Variants in CSMD1 observed in about 807,000 individuals in gnomAD.
CSMD1 encodes the protein CUB and Sushi multiple domains 1.
Under a neutral mutation model 417.5 loss-of-function variants are expected in CSMD1, and 213 were observed. The ratio of observed to expected loss-of-function variants is 0.51; its 90% CI spans 0.46 to 0.57. CSMD1 has a LOEUF of 0.57. CSMD1 is among the 20% of genes least tolerant of loss of function. The pLI is 0.00. For missense variants in CSMD1, 6,923 were observed against 4,529.7 expected, an observed-to-expected ratio of 1.53 and a Z score of -15.17; for synonymous variants, 2,862 against 1,736.8, an observed-to-expected ratio of 1.65 and a Z score of -16.11.
At chr8:4,384,356 T>G (rs75436187) in intron 3 of CSMD1, among the ~76,000 whole-genome samples, 22,491 of 152,134 alleles carry the variant, frequency 0.15, 1,830 homozygotes, top group Admixed American at 0.24. Flanking sequence ...ATGCAACGCA[T>G]CTGAGGCCCA....
At chr8:4,719,947 C>T (rs115781478) in intron 1 of CSMD1, among the ~76,000 whole-genome samples, 1 of 152,004 alleles carries the variant, frequency 6.6e-6, no homozygotes, top group South Asian at 2.1e-4. Context: ...CTAATGTCAC[C>T]TCACTTTAAA....
Position 3,260,286 on chromosome 8 carries a change from A to C in CSMD1, c.4153+23858T>G, listed in dbSNP as rs139126583. On this transcript the variant is annotated intron_variant, in intron 26 of 69. Transcript: ENST00000635120. ...AGGGTGAGATCCTCGCCCAGAATAGAAACGCCACCTCTGTGAGGCTCCCTG... is the reference window on the plus strand; with the variant it reads ...AGGGTGAGATCCTCGCCCAGAATAGCAACGCCACCTCTGTGAGGCTCCCTG... Among the ~76,000 whole-genome samples, 188 of 152,236 alleles carry C rather than the reference A, an allele frequency of 1.2e-3. 1 individual carries two copies. Among genetic ancestry groups the C allele is most frequent in the African/African-American group, 4.4e-3 (181 of 41,542 alleles).
chr8:4,577,918 C>G (rs951774538), intron 2 of CSMD1, among the ~76,000 whole-genome samples: 1 of 152,010 alleles, frequency 6.6e-6, no homozygotes, highest in South Asian at 2.1e-4. Context: ...GGAAACAAGC[C>G]TTAGTGCAAT....
At chr8:3,217,870 C>A (rs532251079) in intron 29 of CSMD1, among the ~76,000 whole-genome samples, 4 of 152,032 alleles carry the variant, frequency 2.6e-5, no homozygotes, top group Non-Finnish European at 5.9e-5. Flanking sequence ...ATTTTTCACA[C>A]AAATTGAACT....
intron 5 of CSMD1, among the ~76,000 whole-genome samples, chr8:3,986,326 G>C (rs977136581): frequency 1.3e-5 from 2 of 152,052 alleles, no homozygotes; most frequent in East Asian, 1.9e-4. Flanking sequence ...AACCCTTCTA[G>C]GGTGTTCATT....
rs1563176275 is a variant in CSMD1 at position 2,953,795 on chromosome 8, A to C, written c.10039+429T>G. On this transcript the variant is annotated intron_variant, in intron 65 of 69. Transcript: ENST00000635120. ...CTAGATGAATGGAGACACTTGGAAA[A>C]AAATTGGGCTCCATGTCTGAACTGT... Among the ~76,000 whole-genome samples, 6 of 152,246 alleles carry C rather than the reference A, an allele frequency of 3.9e-5. No individual in the cohort carries two copies. In the South Asian group the frequency reaches 1.0e-3, roughly 26 times the overall value.
intron 2 of CSMD1, among the ~76,000 whole-genome samples, chr8:4,622,560 G>A (rs911736405): frequency 6.6e-6 from 1 of 152,140 alleles, no homozygotes; most frequent in Non-Finnish European, 1.5e-5. Context: ...GCTTAACATA[G>A]TGGCAGCTGG....
intron 2 of CSMD1, among the ~76,000 whole-genome samples, chr8:4,545,452 G>C (rs1023285012): frequency 2.0e-5 from 3 of 152,128 alleles, no homozygotes; most frequent in African/African-American, 7.2e-5. Flanking sequence ...GGTAAAAATA[G>C]GAAGGGCTCG....
Position 3,237,834 on chromosome 8 carries a change from TTTATAATTATA to T in CSMD1, c.4154-7614_4154-7604del, listed in dbSNP as rs1405986101. ...TTATACTTATACTACAAGTATAATTTTTATAATTATACTTATACTATAAATATAATTTTTAT... is the reference window on the plus strand; with the variant it reads ...TTATACTTATACTACAAGTATAATTTCTTATACTATAAATATAATTTTTAT... On this transcript the variant is annotated intron_variant, in intron 26 of 69. Transcript: ENST00000635120. Among the ~76,000 whole-genome samples the T allele has an allele frequency of 6.3e-4, 71 of 112,104 alleles. 2 individuals are homozygous for T. The highest frequency in any genetic ancestry group is 8.5e-4 in the South Asian group (3 of 3,516). The allele number at this position is 112,104 out of a possible 152,430, so 73.5% of individuals were successfully genotyped here.
intron 3 of CSMD1, among the ~76,000 whole-genome samples, chr8:4,367,084 A>G (rs1264960266): frequency 6.6e-6 from 1 of 152,094 alleles, no homozygotes; most frequent in Non-Finnish European, 1.5e-5. Context: ...TTTTATTGCA[A>G]TTGCTTTTAG....
chr8:3,101,707 G>C (rs1206288991), intron 46 of CSMD1, among the ~76,000 whole-genome samples: 1 of 151,856 alleles, frequency 6.6e-6, no homozygotes, highest in Non-Finnish European at 1.5e-5. Context: ...TTATAGGCAT[G>C]AGCCACCGCA....
intron 1 of CSMD1, among the ~76,000 whole-genome samples, chr8:4,847,914 T>A (rs570390941): frequency 6.6e-6 from 1 of 152,262 alleles, no homozygotes; most frequent in Admixed American, 6.5e-5. Flanking sequence ...TTTTCATCAC[T>A]GCAAAATGAA....
chr8:3,688,397 G>A (rs1173073038), intron 7 of CSMD1, among the ~76,000 whole-genome samples: 1 of 152,142 alleles, frequency 6.6e-6, no homozygotes, highest in Non-Finnish European at 1.5e-5. Context: ...ATAGACAGAG[G>A]TGCTTTGAAT....
intron 5 of CSMD1, among the ~76,000 whole-genome samples, chr8:3,906,303 AC>A (rs926179033): frequency 5.1e-4 from 75 of 146,318 alleles, no homozygotes; most frequent in South Asian, 1.8e-3. Context: ...GAAAAAAAAA[AC>A]CCCATGAAAC....
intron 2 of CSMD1, among the ~76,000 whole-genome samples, chr8:4,421,185 G>A (rs950125713): frequency 6.6e-6 from 1 of 152,140 alleles, no homozygotes; most frequent in Non-Finnish European, 1.5e-5. Context: ...TGTACTTTAT[G>A]TGTTAGCGAA....
At chr8:4,494,381 G>C (rs1801874753) in intron 2 of CSMD1, among the ~76,000 whole-genome samples, 1 of 152,144 alleles carries the variant, frequency 6.6e-6, no homozygotes, top group African/African-American at 2.4e-5. Context: ...AGTGAAATAT[G>C]AATAGATTTT....
intron 50 of CSMD1, among the ~76,000 whole-genome samples, chr8:3,036,809 T>G (rs756930259): frequency 6.6e-6 from 1 of 152,186 alleles, no homozygotes; most frequent in African/African-American, 2.4e-5. Flanking sequence ...GGGATTCTTT[T>G]CTTTTTGGCT....
intron 1 of CSMD1, among the ~76,000 whole-genome samples, chr8:4,904,344 T>C (rs972652458): frequency 2.0e-5 from 3 of 152,368 alleles, no homozygotes; most frequent in Non-Finnish European, 2.9e-5. Context: ...TGAGTATTTA[T>C]GCCTACAGCA....
At chr8:4,100,900 G>A (rs1369305464) in intron 3 of CSMD1, among the ~76,000 whole-genome samples, 2 of 152,160 alleles carry the variant, frequency 1.3e-5, no homozygotes, top group Non-Finnish European at 2.9e-5. Context: ...AAGAAATAAA[G>A]AACAGAAAGT....
Sources: allele counts gnomAD v4.1 joint callset (sites outside exome capture counted in the v4.1 genomes callset), GRCh38; gene constraint gnomAD v4.1.1; transcripts MANE v1.5; gene names NCBI Gene and HGNC (gene_info 2026-07-23, HGNC 2026-07-21).